MCTP1: variants seen among roughly 807,000 people sequenced by gnomAD.
MCTP1 encodes multiple C2 and transmembrane domain containing 1.
Under a neutral mutation model 120.6 loss-of-function variants are expected in MCTP1, and 69 were observed. The observed-to-expected ratio is 0.57, with a 90% CI of 0.47 to 0.70. The LOEUF (loss-of-function observed/expected upper bound fraction) is 0.70, where lower values mean the gene tolerates loss of function less well. Ranked by LOEUF, MCTP1 falls within the 30% of genes least tolerant of loss-of-function variation. The probability of loss-of-function intolerance (pLI) is 0.00; values close to 1 mark genes in which losing one functional copy is unlikely to be tolerated. For missense variants in MCTP1, 1,203 were observed against 1,248.8 expected (o/e 0.96, Z 0.55); for synonymous variants, 529 against 493.1 (o/e 1.07, Z -0.96).
intron 1 of MCTP1, among the ~76,000 whole-genome samples, chr5:95,259,693 T>C (rs1758279340): frequency 6.6e-6 from 1 of 152,108 alleles, no homozygotes; most frequent in Non-Finnish European, 1.5e-5. Flanking sequence ...CACTTAGAGG[T>C]GGCCATTAAT....
chr5:94,765,650 G>A (rs1212172084), intron 19 of MCTP1, among the ~76,000 whole-genome samples: 4 of 145,820 alleles, frequency 2.7e-5, no homozygotes, highest in East Asian at 2.1e-4. Context: ...GCTGTGAGCC[G>A]AGATCATACC....
chr5:95,259,806 T>G (rs1758296767), intron 1 of MCTP1, among the ~76,000 whole-genome samples: 1 of 152,194 alleles, frequency 6.6e-6, no homozygotes, highest in Non-Finnish European at 1.5e-5. Flanking sequence ...ACAATCCTGC[T>G]TCAGCAAAAA....
intron 1 of MCTP1, among the ~76,000 whole-genome samples, chr5:95,095,765 A>ATT (rs1163342478): frequency 6.6e-6 from 1 of 152,162 alleles, no homozygotes; most frequent in Non-Finnish European, 1.5e-5. Context: ...ATTTGGGCAA[A>ATT]GTGAATGCCT....
intron 1 of MCTP1, among the ~76,000 whole-genome samples, chr5:95,103,463 T>G (rs761666056): frequency 6.6e-6 from 1 of 152,190 alleles, no homozygotes; most frequent in Non-Finnish European, 1.5e-5. Context: ...AGGACTGTGA[T>G]AGATGAGGCA....
chr5:95,035,534 A>G (rs953408432), intron 1 of MCTP1, among the ~76,000 whole-genome samples: 3 of 152,058 alleles, frequency 2.0e-5, no homozygotes, highest in African/African-American at 7.2e-5. Flanking sequence ...ACATGGTCAT[A>G]TAGGTGGGAA....
chr5:95,123,454 G>A (rs1024848989), intron 1 of MCTP1, among the ~76,000 whole-genome samples: 2 of 152,090 alleles, frequency 1.3e-5, no homozygotes, highest in African/African-American at 4.8e-5. Context: ...ACTTCAGAAA[G>A]GAAAATATTT....
intron 19 of MCTP1, 68 bp from the exon 20 acceptor site, chr5:94,714,954 TGTC>T: frequency 1.1e-6 from 1 of 904,710 alleles, no homozygotes; most frequent in Non-Finnish European, 1.8e-6. Context: ...TTCTTTGTGT[TGTC>T]CCTCTGTTAC....
At chr5:95,112,721 A>C (rs575695894) in intron 1 of MCTP1, among the ~76,000 whole-genome samples, 51 of 152,328 alleles carry the variant, frequency 3.3e-4, no homozygotes, top group African/African-American at 1.2e-3. Flanking sequence ...AATTTTAAGA[A>C]GTATTTTAAT....
chr5:95,117,937 C>G (rs1227696508), intron 1 of MCTP1, among the ~76,000 whole-genome samples: 2 of 152,144 alleles, frequency 1.3e-5, no homozygotes, highest in South Asian at 2.1e-4. Flanking sequence ...ACCACATGTT[C>G]TCACCTATAA....
chr5:94,847,682 G>GTGTATATATA (rs1169588105), intron 17 of MCTP1, among the ~76,000 whole-genome samples: 57 of 102,400 alleles, frequency 5.6e-4, no homozygotes, highest in African/African-American at 2.0e-3. Flanking sequence ...GTGTGTGTGT[G>GTGTATATATA]TATATATATA....
chr5:95,184,436 CA>C (rs574940609), intron 1 of MCTP1, among the ~76,000 whole-genome samples: 32 of 151,970 alleles, frequency 2.1e-4, no homozygotes, highest in Non-Finnish European at 3.8e-4. Flanking sequence ...TATAACTGAG[CA>C]AATTATGACA....
At chr5:94,863,823 CTT>C (rs11294782) in intron 17 of MCTP1, among the ~76,000 whole-genome samples, 23 of 148,580 alleles carry the variant, frequency 1.5e-4, no homozygotes, top group South Asian at 6.4e-4. Flanking sequence ...GCTTCCTCCA[CTT>C]TTTTTTTTTT....
chr5:95,087,113 C>T (rs1333926250), intron 1 of MCTP1, among the ~76,000 whole-genome samples: 4 of 152,162 alleles, frequency 2.6e-5, no homozygotes, highest in African/African-American at 9.7e-5. Flanking sequence ...CACACATTTC[C>T]TGAGGCAGAT....
At chr5:94,971,647 T>C (rs1172668941) in intron 2 of MCTP1, among the ~76,000 whole-genome samples, 1 of 152,174 alleles carries the variant, frequency 6.6e-6, no homozygotes, top group Non-Finnish European at 1.5e-5. Flanking sequence ...ATTATTTCCA[T>C]TGCTAAATAT....
At chr5:95,236,899 T>C (rs1755600718) in intron 1 of MCTP1, among the ~76,000 whole-genome samples, 1 of 152,222 alleles carries the variant, frequency 6.6e-6, no homozygotes, top group African/African-American at 2.4e-5. Flanking sequence ...GCAGCCAAAC[T>C]GACCCTGGAA....
intron 17 of MCTP1, among the ~76,000 whole-genome samples, chr5:94,841,154 T>A (rs1038956874): frequency 6.6e-6 from 1 of 152,030 alleles, no homozygotes; most frequent in African/African-American, 2.4e-5. Flanking sequence ...ACTTCTAGGG[T>A]TGCCAGCCCA....
intron 19 of MCTP1, among the ~76,000 whole-genome samples, chr5:94,750,303 T>A (rs1053932301): frequency 6.6e-6 from 1 of 152,254 alleles, no homozygotes; most frequent in Non-Finnish European, 1.5e-5. Flanking sequence ...GGGGGAAGCA[T>A]TATTTTCTCA....
At chr5:94,736,947 G>T (rs72773598) in intron 19 of MCTP1, among the ~76,000 whole-genome samples, 7,759 of 152,202 alleles carry the variant, frequency 0.051, 332 homozygotes, top group East Asian at 0.17. Context: ...AATCCCAACA[G>T]ACATGGAGAC....
At chr5:94,958,478 G>A (rs1482375547) in intron 2 of MCTP1, among the ~76,000 whole-genome samples, 1 of 152,110 alleles carries the variant, frequency 6.6e-6, no homozygotes. Context: ...ATGAATCCAG[G>A]ACCTGGTTTT....
Sources: gnomAD v4.1 joint callset for allele counts (sites outside exome capture counted in the v4.1 genomes callset) on GRCh38, gnomAD v4.1.1 for gene constraint, MANE v1.5 for transcripts, NCBI Gene and HGNC (gene_info 2026-07-23, HGNC 2026-07-21) for gene names.